PABPC4L: variants seen among roughly 807,000 people sequenced by gnomAD.
PABPC4L encodes polyadenylate-binding protein 4-like.
For missense variants in PABPC4L, 452 were observed against 451.4 expected (o/e 1.00, Z -0.01); for synonymous variants, 169 against 164.1 (o/e 1.03, Z -0.23).
At chr4:134,079,769 C>T in the PABPC4L span, among the ~76,000 whole-genome samples, 1 of 151,620 alleles carries the variant, frequency 6.6e-6, no homozygotes, top group African/African-American at 2.4e-5. Flanking sequence ...TCTCATCTTA[C>T]TGAACTGCTG....
At chr4:134,164,513 C>T in the PABPC4L span, among the ~76,000 whole-genome samples, 2 of 152,006 alleles carry the variant, frequency 1.3e-5, no homozygotes, top group African/African-American at 2.4e-5. Flanking sequence ...AACAAGAATG[C>T]AATCCCTTTT....
chr4:134,039,361 A>G, the PABPC4L span, among the ~76,000 whole-genome samples: 1 of 151,958 alleles, frequency 6.6e-6, no homozygotes, highest in South Asian at 2.1e-4. Context: ...AAGCTGAGTT[A>G]AAGTTCTGAA....
the PABPC4L span, among the ~76,000 whole-genome samples, chr4:134,094,296 C>T: frequency 1.3e-5 from 2 of 151,878 alleles, no homozygotes; most frequent in East Asian, 3.9e-4. Context: ...AGCTGCCCCG[C>T]CCCATGCAGC....
At chr4:134,193,802 A>T (rs1157195595), downstream of PABPC4L, among the ~76,000 whole-genome samples, 1 of 151,966 alleles carries the variant, frequency 6.6e-6, no homozygotes, top group African/African-American at 2.4e-5. Context: ...GACTGATAGA[A>T]AAAAAGGAGT....
the PABPC4L span, among the ~76,000 whole-genome samples, chr4:134,021,669 C>G: frequency 6.6e-6 from 1 of 152,176 alleles, no homozygotes; most frequent in Middle Eastern, 3.4e-3. Flanking sequence ...TATTGTAATC[C>G]AAATAGTCTG....
chr4:134,057,892 T>C, the PABPC4L span, among the ~76,000 whole-genome samples: 3 of 152,094 alleles, frequency 2.0e-5, no homozygotes, highest in African/African-American at 4.8e-5. Flanking sequence ...ATCTACTTCG[T>C]CTTTCTGGAA....
At chr4:134,144,925 C>T in the PABPC4L span, among the ~76,000 whole-genome samples, 2 of 151,694 alleles carry the variant, frequency 1.3e-5, no homozygotes, top group Non-Finnish European at 3.0e-5. Context: ...CAACTTTCAT[C>T]CATCTAATTA....
the PABPC4L span, among the ~76,000 whole-genome samples, chr4:134,183,801 C>T: frequency 1.3e-5 from 2 of 151,248 alleles, no homozygotes; most frequent in Non-Finnish European, 2.9e-5. Context: ...AAGAAGAAGA[C>T]CAATAAATTG....
chr4:134,154,886 A>G, the PABPC4L span, among the ~76,000 whole-genome samples: 2 of 152,112 alleles, frequency 1.3e-5, no homozygotes, highest in African/African-American at 2.4e-5. Flanking sequence ...AAGTTGGTAG[A>G]TTACATTCAT....
chr4:134,018,163 C>A, the PABPC4L span, among the ~76,000 whole-genome samples: 3 of 151,990 alleles, frequency 2.0e-5, no homozygotes, highest in Non-Finnish European at 4.4e-5. Flanking sequence ...CTCAAAAGCT[C>A]CCTACTGAGC....
At chr4:133,972,130 AT>A in the PABPC4L span, among the ~76,000 whole-genome samples, 2 of 152,252 alleles carry the variant, frequency 1.3e-5, no homozygotes, top group East Asian at 3.9e-4. Flanking sequence ...AGGAGTTACG[AT>A]TGTTCTCATT....
chr4:134,020,236 T>C, the PABPC4L span, among the ~76,000 whole-genome samples: 7 of 151,782 alleles, frequency 4.6e-5, no homozygotes, highest in Non-Finnish European at 1.5e-5. Context: ...GTAGATAGAG[T>C]GGGATGTTCC....
chr4:134,165,458 C>T, the PABPC4L span, among the ~76,000 whole-genome samples: 391 of 151,966 alleles, frequency 2.6e-3, 4 homozygotes, highest in Middle Eastern at 0.041. Flanking sequence ...ATAATAAACC[C>T]CTCAAAAGGT....
At chr4:134,042,745 C>A in the PABPC4L span, among the ~76,000 whole-genome samples, 2 of 151,924 alleles carry the variant, frequency 1.3e-5, no homozygotes, top group Non-Finnish European at 2.9e-5. Flanking sequence ...TTTCTTCCAA[C>A]AAAACATACA....
At chr4:133,974,322 C>T in the PABPC4L span, among the ~76,000 whole-genome samples, 3 of 152,092 alleles carry the variant, frequency 2.0e-5, 1 homozygote, top group South Asian at 6.2e-4. Context: ...GAATGTTAAA[C>T]TCCTACCTCA....
At chr4:133,993,897 G>A in the PABPC4L span, among the ~76,000 whole-genome samples, 1 of 152,024 alleles carries the variant, frequency 6.6e-6, no homozygotes, top group Admixed American at 6.6e-5. Flanking sequence ...CACACAGGGT[G>A]GGCTCAAGAG....
chr4:133,965,471 A>G, the PABPC4L span, among the ~76,000 whole-genome samples: 2 of 152,138 alleles, frequency 1.3e-5, no homozygotes, highest in Admixed American at 6.5e-5. Context: ...AAAAAATCTA[A>G]AATTCATATG....
At chr4:134,157,165 GTTGT>G in the PABPC4L span, among the ~76,000 whole-genome samples, 6 of 151,298 alleles carry the variant, frequency 4.0e-5, no homozygotes, top group East Asian at 5.8e-4. Flanking sequence ...TGATCCCGGG[GTTGT>G]TTAACACTGT....
the PABPC4L span, among the ~76,000 whole-genome samples, chr4:134,122,217 G>C: frequency 6.6e-6 from 1 of 151,506 alleles, no homozygotes; most frequent in Non-Finnish European, 1.5e-5. Flanking sequence ...TATCAAATCA[G>C]CGTTCATTTC....
Sources: allele counts gnomAD v4.1 joint callset (sites outside exome capture counted in the v4.1 genomes callset), GRCh38; gene constraint gnomAD v4.1.1; transcripts MANE v1.5; gene names NCBI Gene and HGNC (gene_info 2026-07-23, HGNC 2026-07-21).